WIPI2: variants seen among roughly 807,000 people sequenced by gnomAD.
WIPI2 encodes the protein WD repeat domain phosphoinositide-interacting protein 2.
A neutral mutation model predicts 52.3 loss-of-function variants in WIPI2; 28 were observed. The observed-to-expected ratio is 0.54, with a 90% CI of 0.40 to 0.73. The LOEUF (loss-of-function observed/expected upper bound fraction) is 0.73. WIPI2 is among the 30% of genes least tolerant of loss of function. The pLI is 0.00. For synonymous variants in WIPI2, 268 were observed against 245.0 expected (o/e 1.09, Z -0.88); for missense variants, 506 against 602.9 (o/e 0.84, Z 1.68).
chr7:5,209,621 C>G (rs559960059), intron 3 of WIPI2, among the ~76,000 whole-genome samples: 1 of 152,318 alleles, frequency 6.6e-6, no homozygotes, highest in South Asian at 2.1e-4. Flanking sequence ...ATGATCGTCT[C>G]ATACTGTTCT....
intron 3 of WIPI2, 162 bp from the exon 4 acceptor site, chr7:5,214,373 A>G: frequency 6.3e-7 from 1 of 1,595,434 alleles, no homozygotes; most frequent in Non-Finnish European, 8.5e-7. Context: ...AGACCCTCAG[A>G]CCCCCGGGCT....
intron 8 of WIPI2, among the ~76,000 whole-genome samples, chr7:5,224,216 G>A (rs1783300941): frequency 6.6e-6 from 1 of 152,216 alleles, no homozygotes; most frequent in Non-Finnish European, 1.5e-5. Flanking sequence ...TATCCACCAG[G>A]GTCTTGCGTG....
intron 3 of WIPI2, among the ~76,000 whole-genome samples, chr7:5,202,935 C>G (rs1782102592): frequency 6.6e-6 from 1 of 152,138 alleles, no homozygotes; most frequent in Non-Finnish European, 1.5e-5. Flanking sequence ...TTTTCAAAAG[C>G]TGCACTGTGT....
chr7:5,207,263 A>G (rs958490946), intron 3 of WIPI2, among the ~76,000 whole-genome samples: 26 of 152,166 alleles, frequency 1.7e-4, no homozygotes, highest in African/African-American at 5.3e-4. Context: ...CTGAAACCCT[A>G]TCAAGGTTTA....
intron 2 of WIPI2, among the ~76,000 whole-genome samples, chr7:5,195,895 CG>C (rs1781724706): frequency 6.6e-6 from 1 of 151,720 alleles, no homozygotes; most frequent in Admixed American, 6.6e-5. Context: ...AAAAATTAGC[CG>C]GGTGTGATGG....
At chr7:5,201,712 C>T (rs1477268987) in intron 3 of WIPI2, among the ~76,000 whole-genome samples, 1 of 152,200 alleles carries the variant, frequency 6.6e-6, no homozygotes, top group Non-Finnish European at 1.5e-5. Context: ...TGCCATTGCA[C>T]TCCAGCCTCG....
chr7:5,210,575 G>GTATACT lies in WIPI2; in HGVS notation c.212-3958_212-3953dup, dbSNP rs1440974365. On this transcript the variant is annotated intron_variant, in intron 3 of 12. Coordinates refer to ENST00000288828, the MANE Select transcript of WIPI2 (RefSeq NM_015610.4). Reference sequence around the variant, plus strand: ...GGCAGGCACTGCCCTGTTTACCACTGTATACTTGGGATGGTCTCTACTGGT... The same window carrying GTATACT: ...GGCAGGCACTGCCCTGTTTACCACTGTATACTTATACTTGGGATGGTCTCTACTGGT... Among the ~76,000 whole-genome samples the GTATACT allele has an allele frequency of 2.0e-5, 3 of 152,228 alleles. No individual in the cohort carries two copies. The East Asian group carries it at 5.8e-4, about 29-fold the overall frequency.
At chr7:5,217,833 G>C in intron 6 of WIPI2, 89 bp from the exon 7 acceptor site, 1 of 1,261,252 alleles carries the variant, frequency 7.9e-7, no homozygotes, top group Non-Finnish European at 1.2e-6. Context: ...TTTAGGAACA[G>C]CTAATTGGCA....
chr7:5,229,437 G>A, intron 11 of WIPI2, 171 bp from the exon 12 acceptor site: 1 of 664,234 alleles, frequency 1.5e-6, no homozygotes, highest in East Asian at 2.9e-5. Context: ...AACTCTTCAT[G>A]TAAAAACGTG....
chr7:5,200,739 C>A (rs1274267032), intron 3 of WIPI2, among the ~76,000 whole-genome samples: 1 of 152,176 alleles, frequency 6.6e-6, no homozygotes, highest in Non-Finnish European at 1.5e-5. Flanking sequence ...GGACTCGCTC[C>A]TGGGCCCTGG....
At chr7:5,205,433 G>A (rs1782246801) in intron 3 of WIPI2, among the ~76,000 whole-genome samples, 1 of 152,218 alleles carries the variant, frequency 6.6e-6, no homozygotes, top group Non-Finnish European at 1.5e-5. Context: ...AACACTCAGT[G>A]TTTAGCATAT....
At position 5,230,771 on chromosome 7, in the gene WIPI2, G is replaced by A; in HGVS notation, c.1253-64G>A. On this transcript the variant is annotated intron_variant, in intron 12 of 12. Transcript: ENST00000288828. The surrounding 1 kb of genome is among the most constrained non-coding windows in gnomAD (Gnocchi z 4.8). ...GTGTTTCCAAAACACAGTCCTCAGT[G>A]TGTGTCATGGGGTCTGTGGTGTGTC... 2.4e-6 allele frequency: 3 copies of A among 1,231,032 alleles called. No homozygotes were observed. Among genetic ancestry groups the A allele is most frequent in the South Asian group, 2.8e-5 (2 of 72,512 alleles). 76.3% of individuals were successfully genotyped at this position (1,231,032 alleles called of 1,614,324 possible).
Position 5,218,007 on chromosome 7 carries a change from C to T in WIPI2, c.662C>T (p.Ser221Leu). ...DASGTKLATA[S>L]EKGTVIRVFS... ...AGTGGAACTAAACTTGCCACGGCTT[C>T]GGAGAAGGTGAGTCTGCTTTTCCCC... The change falls in exon 7 of 13, where the codon TCG becomes TTG. Residue 221 changes from serine to leucine, a missense_variant. Around this residue, in one of 4 missense-constraint regions of WIPI2, gnomAD observed 237 missense variants for 346.9 expected, o/e 0.68. Coordinates refer to ENST00000288828, the MANE Select transcript of WIPI2 (RefSeq NM_015610.4). 1.9e-6 allele frequency: 3 copies of T among 1,614,206 alleles called. No individual in the cohort carries two copies. Among genetic ancestry groups the T allele is most frequent in the Non-Finnish European group, 2.5e-6 (3 of 1,180,026 alleles).
chr7:5,205,032 G>A (rs1234269823), intron 3 of WIPI2, among the ~76,000 whole-genome samples: 2 of 152,130 alleles, frequency 1.3e-5, no homozygotes, highest in African/African-American at 4.8e-5. Context: ...CTGGAGTGCA[G>A]TGGTGAGATC....
chr7:5,230,707 A>T lies in WIPI2; in HGVS notation c.1253-128A>T, dbSNP rs1221909579. ...TCATTAGAAAGCAATCAGAATTCAG[A>T]ACGTCTTAGTACAGGCTTCAGTTTA... On this transcript the variant is annotated intron_variant, in intron 12 of 12. Transcript: ENST00000288828. The surrounding 1 kb of genome is among the most constrained non-coding windows in gnomAD (Gnocchi z 4.8). The T allele has an allele frequency of 1.8e-6, 1 of 559,142 alleles. No homozygotes were observed. The highest frequency in any genetic ancestry group is 2.0e-5 in the African/African-American group (1 of 50,956). 34.6% of individuals were successfully genotyped at this position (559,142 alleles called of 1,614,324 possible).
intron 3 of WIPI2, among the ~76,000 whole-genome samples, chr7:5,202,876 G>T (rs530212943): frequency 6.6e-6 from 1 of 152,148 alleles, no homozygotes; most frequent in Non-Finnish European, 1.5e-5. Flanking sequence ...TAAATGAAGG[G>T]TATGGGTTTA....
At position 5,203,789 on chromosome 7, in the gene WIPI2, T is replaced by G. The variant is rs199713525; in HGVS notation, c.211+4131T>G. The stretch of plus-strand genomic sequence containing the variant: ...CGCCACCATGCCCGGCTGATTTTTT[T>G]TGTGTGTGTATTTTTAGTAGAGACA... On this transcript the variant is annotated intron_variant, in intron 3 of 12. Coordinates refer to ENST00000288828, the MANE Select transcript of WIPI2 (RefSeq NM_015610.4). 2.5e-4 allele frequency among the ~76,000 whole-genome samples: 38 copies of G among 151,844 alleles called. 1 individual carries two copies. The highest frequency in any genetic ancestry group is 1.2e-3 in the South Asian group (6 of 4,810).
intron 8 of WIPI2, among the ~76,000 whole-genome samples, chr7:5,223,129 C>A (rs1395626193): frequency 6.6e-6 from 1 of 152,218 alleles, no homozygotes; most frequent in Non-Finnish European, 1.5e-5. Flanking sequence ...CTTCCTCCCT[C>A]CAGGCTGCAA....
In WIPI2 at chr7:5,214,873, C is replaced by G. The variant is rs1782733996; in HGVS notation, c.381+169C>G. 6.6e-6 allele frequency among the ~76,000 whole-genome samples: 1 copy of G among 152,250 alleles called. No homozygotes were observed. Among genetic ancestry groups the G allele is most frequent in the Non-Finnish European group, 1.5e-5 (1 of 68,044 alleles). On this transcript the variant is annotated intron_variant, in intron 4 of 12. Coordinates refer to ENST00000288828, the MANE Select transcript of WIPI2 (RefSeq NM_015610.4). ...CCAGCTCTGTTTCCTCACCCACCAG[C>G]TTTGCTCAGCCCATTCCATTCACGA...
Sources: gnomAD v4.1 joint callset for allele counts (sites outside exome capture counted in the v4.1 genomes callset) on GRCh38, gnomAD v4.1.1 for gene constraint, gnomAD v4.1.1 regional missense constraint, Gnocchi (gnomAD v3.1) non-coding constraint, MANE v1.5 for transcripts, NCBI Gene and HGNC (gene_info 2026-07-23, HGNC 2026-07-21) for gene names.